SMIM14: variants seen among roughly 807,000 people sequenced by gnomAD.
SMIM14 encodes the protein chromosome 4 open reading frame 34.
A neutral mutation model predicts 12.6 loss-of-function variants in SMIM14; 5 were observed. The ratio of observed to expected loss-of-function variants is 0.40; its 90% CI spans 0.21 to 0.83. SMIM14 has a LOEUF of 0.83. SMIM14 is among the 40% of genes least tolerant of loss of function. The probability of loss-of-function intolerance (pLI) is 0.37; values close to 1 mark genes in which losing one functional copy is unlikely to be tolerated. For missense variants in SMIM14, 86 were observed against 119.1 expected, an observed-to-expected ratio of 0.72 and a Z score of 1.29; for synonymous variants, 30 against 40.1, an observed-to-expected ratio of 0.75 and a Z score of 0.95.
chr4:39,548,395 T>C lies in SMIM14; in HGVS notation c.*3731A>G, dbSNP rs752554676. On this transcript the variant is annotated 3_prime_UTR_variant, in exon 5 of 5. Coordinates refer to ENST00000295958, the MANE Select transcript of SMIM14 (RefSeq NM_174921.3). Reference sequence around the variant, plus strand: ...TTTTGGTAGAGACAGGGTCTTGCTATGTTGCCCAGGCTAGTCTCAAACTCC... The same window carrying C: ...TTTTGGTAGAGACAGGGTCTTGCTACGTTGCCCAGGCTAGTCTCAAACTCC... 2 of 151,946 alleles carry C rather than the reference T, an allele frequency of 1.3e-5. No individual in the cohort carries two copies. Among genetic ancestry groups the C allele is most frequent in the Non-Finnish European group, 2.9e-5 (2 of 68,016 alleles). The allele number at this position is 151,946 out of a possible 1,614,324, so 9.4% of individuals were successfully genotyped here.
At chr4:39,619,432 C>A (rs866895443) in intron 1 of SMIM14, among the ~76,000 whole-genome samples, 9 of 79,498 alleles carry the variant, frequency 1.1e-4, no homozygotes, top group South Asian at 9.6e-4. Flanking sequence ...ATAATTTATT[C>A]TATATCAATA....
At chr4:39,575,897 C>CTTT (rs148467773) in intron 2 of SMIM14, among the ~76,000 whole-genome samples, 2 of 132,944 alleles carry the variant, frequency 1.5e-5, no homozygotes, top group Non-Finnish European at 3.2e-5. Context: ...ACCCAGCCTA[C>CTTT]TTTTTTTTTT....
At chr4:39,581,735 G>GTA (rs1314947262) in intron 2 of SMIM14, among the ~76,000 whole-genome samples, 1 of 151,452 alleles carries the variant, frequency 6.6e-6, no homozygotes, top group African/African-American at 2.4e-5. Flanking sequence ...GGCTGTTTTT[G>GTA]TATTTTTAGT....
At chr4:39,555,666 T>G (rs557930866) in intron 4 of SMIM14, among the ~76,000 whole-genome samples, 1 of 152,362 alleles carries the variant, frequency 6.6e-6, no homozygotes, top group East Asian at 1.9e-4. Flanking sequence ...TTCCGACCTC[T>G]CCTTTTGCCA....
At chr4:39,597,778 T>A (rs917667219) in intron 2 of SMIM14, among the ~76,000 whole-genome samples, 1 of 152,194 alleles carries the variant, frequency 6.6e-6, no homozygotes, top group Non-Finnish European at 1.5e-5. Context: ...AATGTAGCTG[T>A]ACCTCACTAC....
At chr4:39,630,941 A>T (rs924098954) in intron 1 of SMIM14, among the ~76,000 whole-genome samples, 2 of 152,146 alleles carry the variant, frequency 1.3e-5, no homozygotes, top group Non-Finnish European at 2.9e-5. Flanking sequence ...TAAAATAAAC[A>T]AACAGATTTT....
intron 1 of SMIM14, among the ~76,000 whole-genome samples, chr4:39,633,868 A>T (rs1030588379): frequency 2.6e-5 from 4 of 152,260 alleles, no homozygotes; most frequent in African/African-American, 9.6e-5. Flanking sequence ...ATTTACTTGA[A>T]GCCTGGTAGG....
chr4:39,557,386 CAT>C (rs927442513), intron 3 of SMIM14, among the ~76,000 whole-genome samples: 17 of 152,100 alleles, frequency 1.1e-4, no homozygotes, highest in African/African-American at 3.9e-4. Context: ...GTCTCTAACA[CAT>C]TTTTTAATAG....
chr4:39,622,332 T>C (rs1215176728), intron 1 of SMIM14, among the ~76,000 whole-genome samples: 1 of 152,154 alleles, frequency 6.6e-6, no homozygotes, highest in Admixed American at 6.5e-5. Context: ...TCCCCCCAAC[T>C]TGGCCTCCCA....
intron 1 of SMIM14, among the ~76,000 whole-genome samples, chr4:39,613,623 G>A (rs1715111449): frequency 1.3e-5 from 2 of 152,126 alleles, no homozygotes; most frequent in African/African-American, 4.8e-5. Flanking sequence ...CTCTATCCTA[G>A]GCAAGACAGA....
At chr4:39,631,478 G>C (rs912124543) in intron 1 of SMIM14, among the ~76,000 whole-genome samples, 2 of 151,522 alleles carry the variant, frequency 1.3e-5, no homozygotes, top group Admixed American at 6.6e-5. Context: ...CTAACATGGT[G>C]AAACTCCGTC....
intron 1 of SMIM14, among the ~76,000 whole-genome samples, chr4:39,636,120 C>A (rs1716076210): frequency 2.1e-5 from 3 of 141,552 alleles, no homozygotes; most frequent in African/African-American, 8.0e-5. Flanking sequence ...TTGCAGTGAG[C>A]TGAGATCCAC....
In SMIM14 at chr4:39,620,433, T is replaced by C. The variant is rs186807200; in HGVS notation, c.-35-15253A>G. The stretch of plus-strand genomic sequence containing the variant: ...GGTGGAGCCTGCAGTGAGCCGGAGA[T>C]CGCGCCACTGCACTCCATCCTGGGC... On this transcript the variant is annotated intron_variant, in intron 1 of 4. Coordinates refer to ENST00000295958, the MANE Select transcript of SMIM14 (RefSeq NM_174921.3). Among the ~76,000 whole-genome samples, 359 of 152,078 alleles carry C rather than the reference T, an allele frequency of 2.4e-3. 4 individuals are homozygous for C. Among genetic ancestry groups the C allele is most frequent in the African/African-American group, 8.2e-3 (340 of 41,478 alleles).
chr4:39,603,866 C>T (rs1255490876), intron 2 of SMIM14, among the ~76,000 whole-genome samples: 2 of 151,958 alleles, frequency 1.3e-5, no homozygotes, highest in Non-Finnish European at 2.9e-5. Context: ...CAAAAATTAG[C>T]TGGGCATGGT....
chr4:39,596,395 G>A (rs113246308), intron 2 of SMIM14, among the ~76,000 whole-genome samples: 40,572 of 151,898 alleles, frequency 0.27, 5,930 homozygotes, highest in Middle Eastern at 0.35. Context: ...GGGCCCGGCC[G>A]CATATATAGT....
At chr4:39,571,463 C>T (rs764928118) in intron 3 of SMIM14, among the ~76,000 whole-genome samples, 3 of 151,952 alleles carry the variant, frequency 2.0e-5, no homozygotes, top group Non-Finnish European at 4.4e-5. Flanking sequence ...CCCTGTAGTC[C>T]CACCTACTAG....
chr4:39,549,261 A>G lies in SMIM14; in HGVS notation c.*2865T>C, dbSNP rs1032451664. The G allele has an allele frequency of 3.3e-5, 5 of 152,166 alleles. No individual in the cohort carries two copies. Among genetic ancestry groups the G allele is most frequent in the African/African-American group, 4.8e-5 (2 of 41,424 alleles). 9.4% of individuals were successfully genotyped at this position (152,166 alleles called of 1,614,324 possible). Reference sequence around the variant, plus strand: ...ACTAGACATTCTGTATCCAAGTTTCAGCCATTTCATCCAATAAAGCCTTCT... The same window carrying G: ...ACTAGACATTCTGTATCCAAGTTTCGGCCATTTCATCCAATAAAGCCTTCT... On this transcript the variant is annotated 3_prime_UTR_variant, in exon 5 of 5. Transcript: ENST00000295958.
intron 2 of SMIM14, among the ~76,000 whole-genome samples, chr4:39,584,162 A>G (rs1192556227): frequency 6.6e-6 from 1 of 151,988 alleles, no homozygotes; most frequent in East Asian, 1.9e-4. Context: ...TTGATTAAGT[A>G]ACATCTCTAT....
chr4:39,548,266 CAA>C lies in SMIM14; in HGVS notation c.*3858_*3859del, dbSNP rs1294220966. The C allele has an allele frequency of 6.6e-6, 1 of 151,190 alleles. No individual in the cohort carries two copies. The highest frequency in any genetic ancestry group is 2.4e-5 in the African/African-American group (1 of 40,892). 9.4% of individuals were successfully genotyped at this position (151,190 alleles called of 1,614,324 possible). A position where few individuals can be genotyped will look rare whatever the true frequency, so the allele number is the denominator to read the frequency against. On this transcript the variant is annotated 3_prime_UTR_variant, in exon 5 of 5. Coordinates refer to ENST00000295958, the MANE Select transcript of SMIM14 (RefSeq NM_174921.3). ...AACTTTTCCCACATGGAAAGCAAAACAAAACAAAACAAAACAAACAAACAAAT... is the reference window on the plus strand; with the variant it reads ...AACTTTTCCCACATGGAAAGCAAAACAACAAAACAAAACAAACAAACAAAT...
Sources: allele counts gnomAD v4.1 joint callset (sites outside exome capture counted in the v4.1 genomes callset), GRCh38; gene constraint gnomAD v4.1.1; transcripts MANE v1.5; gene names NCBI Gene and HGNC (gene_info 2026-07-23, HGNC 2026-07-21).